The following VWF variants were observed in gnomAD, a reference collection of about 807,000 sequenced individuals.
VWF encodes Factor VIII related antigen.
Under a neutral mutation model 308.6 loss-of-function variants are expected in VWF, and 176 were observed. That is an observed-to-expected ratio of 0.57 (90% CI 0.50 to 0.65). The LOEUF (loss-of-function observed/expected upper bound fraction) is 0.65. Ranked by LOEUF, VWF falls within the 30% of genes least tolerant of loss-of-function variation. VWF has a pLI of 0.00. For missense variants in VWF, 3,146 were observed against 3,648.2 expected (o/e 0.86, Z 3.55); for synonymous variants, 1,385 against 1,443.4 (o/e 0.96, Z 0.92).
At chr12:5,998,451 T>C (rs7398722) in intron 34 of VWF, among the ~76,000 whole-genome samples, 122,084 of 122,164 alleles carry the variant, frequency 1, 61,002 homozygotes, top group Middle Eastern at 1. Flanking sequence ...TGAGCCGAGA[T>C]TCCGAGACTC....
intron 34 of VWF, among the ~76,000 whole-genome samples, chr12:6,009,228 C>A (rs560749170): frequency 2.1e-5 from 3 of 141,664 alleles, no homozygotes; most frequent in Non-Finnish European, 3.1e-5. Context: ...GGAACTCATA[C>A]AACTCAATAG....
At chr12:6,026,351 A>G (rs1212130904) in intron 22 of VWF, among the ~76,000 whole-genome samples, 1 of 152,206 alleles carries the variant, frequency 6.6e-6, no homozygotes, top group African/African-American at 2.4e-5. Context: ...TGGCCCTGAG[A>G]TCACTGGTGG....
intron 34 of VWF, among the ~76,000 whole-genome samples, chr12:5,997,160 G>A (rs974663885): frequency 1.3e-5 from 2 of 152,132 alleles, no homozygotes; most frequent in African/African-American, 4.8e-5. Flanking sequence ...TGATGGGTCT[G>A]GAAGCACCAT....
rs1945297920 is a variant in VWF at position 6,110,589 on chromosome 12, GGCAA to G, written c.324-11_324-8del. On this transcript the variant is annotated splice_polypyrimidine_tract_variant and splice_region_variant and intron_variant, in intron 4 of 51. Coordinates refer to ENST00000261405, the MANE Select transcript of VWF (RefSeq NM_000552.5). Reference sequence around the variant, plus strand: ...GGCATAGGGCATGGAGACTCTGGAGGGCAAAGGCTAAGTTCAGAAGTGGGCTTCT... The same window carrying G: ...GGCATAGGGCATGGAGACTCTGGAGGAGGCTAAGTTCAGAAGTGGGCTTCT... The G allele has an allele frequency of 2.5e-6, 4 of 1,613,992 alleles. No homozygotes were observed. The highest frequency in any genetic ancestry group is 3.4e-6 in the Non-Finnish European group (4 of 1,179,950).
chr12:6,117,126 AAATC>A (rs1945376434), intron 3 of VWF, among the ~76,000 whole-genome samples: 2 of 152,212 alleles, frequency 1.3e-5, no homozygotes, highest in Non-Finnish European at 2.9e-5. Context: ...GGTGAAAATG[AAATC>A]AATTTACATT....
intron 3 of VWF, 128 bp downstream of exon 3, chr12:6,121,046 C>T: frequency 7.6e-7 from 1 of 1,317,170 alleles, no homozygotes; most frequent in African/African-American, 1.5e-5. Context: ...AAGGCTGTTC[C>T]TCTCCTTGTT....
At chr12:6,015,179 C>T (rs991577457) in intron 31 of VWF, among the ~76,000 whole-genome samples, 1 of 152,190 alleles carries the variant, frequency 6.6e-6, no homozygotes, top group Admixed American at 6.5e-5. Flanking sequence ...ACTCAACAAA[C>T]GTTAAATGGT....
chr12:6,014,023 G>A (rs1003613645), intron 31 of VWF, among the ~76,000 whole-genome samples: 68 of 152,104 alleles, frequency 4.5e-4, no homozygotes, highest in Non-Finnish European at 7.6e-4. Context: ...GTGGGTTATC[G>A]TTGCATATAT....
chr12:6,118,294 A>G (rs550777949), intron 3 of VWF, among the ~76,000 whole-genome samples: 3 of 151,392 alleles, frequency 2.0e-5, no homozygotes, highest in Non-Finnish European at 4.4e-5. Context: ...CTGAACTAAC[A>G]GAGATTATGG....
intron 6 of VWF, among the ~76,000 whole-genome samples, chr12:6,078,496 A>G (rs1944869925): frequency 6.6e-6 from 1 of 152,168 alleles, no homozygotes; most frequent in Admixed American, 6.5e-5. Context: ...AGTGCAGATG[A>G]GGGTGTCCCA....
At chr12:6,083,328 T>C (rs552316184) in intron 6 of VWF, among the ~76,000 whole-genome samples, 1 of 152,260 alleles carries the variant, frequency 6.6e-6, no homozygotes, top group Non-Finnish European at 1.5e-5. Flanking sequence ...CCCAGCACTT[T>C]TGGAGGCCAA....
In VWF at chr12:5,967,616, C is replaced by T; in HGVS notation, c.7771-14G>A. On this transcript the variant is annotated splice_polypyrimidine_tract_variant and intron_variant, in intron 46 of 51. Coordinates refer to ENST00000261405, the MANE Select transcript of VWF (RefSeq NM_000552.5). ...AGTCTTCCCGGGCTGGAAGCAGAGG[C>T]ACCAGGGTCAGGCCCCCCAGCATCC... The T allele has an allele frequency of 2.5e-6, 4 of 1,611,648 alleles. No homozygotes were observed. The highest frequency in any genetic ancestry group is 1.1e-5 in the South Asian group (1 of 91,056).
chr12:6,083,659 G>A (rs906981119), intron 6 of VWF, among the ~76,000 whole-genome samples: 4 of 152,220 alleles, frequency 2.6e-5, no homozygotes, highest in African/African-American at 9.7e-5. Flanking sequence ...GTTGAAAGTT[G>A]TCCAGGAGCT....
intron 6 of VWF, among the ~76,000 whole-genome samples, chr12:6,077,232 C>T (rs1229871528): frequency 2.0e-5 from 3 of 152,188 alleles, no homozygotes; most frequent in Non-Finnish European, 2.9e-5. Context: ...ATTGCTTGAA[C>T]GGCGGGGCAG....
chr12:5,981,881 A>G lies in VWF; in HGVS notation c.7192T>C (p.Cys2398Arg), dbSNP rs966234326. Residue 2398 changes from cysteine (C) to arginine (R), a missense_variant, in exon 42 of 52, where the codon TGT becomes CGT. Coordinates refer to ENST00000261405, the MANE Select transcript of VWF (RefSeq NM_000552.5). ...CCDEYECACN[C>R]VNSTVSCPLG... ...GGACAGCTCACTGTGGAGTTGACACAGTTGCAGGCACACTCATACTCATCA... is the reference window on the plus strand; with the variant it reads ...GGACAGCTCACTGTGGAGTTGACACGGTTGCAGGCACACTCATACTCATCA... 1.4e-6 allele frequency: 2 copies of G among 1,449,462 alleles called. No homozygotes were observed. Among genetic ancestry groups the G allele is most frequent in the African/African-American group, 2.9e-5 (2 of 69,470 alleles). The allele number at this position is 1,449,462 out of a possible 1,614,324, so 89.8% of individuals were successfully genotyped here. A position where few individuals can be genotyped will look rare whatever the true frequency, so the allele number is the denominator to read the frequency against.
intron 6 of VWF, among the ~76,000 whole-genome samples, chr12:6,090,695 T>G (rs879704418): frequency 6.6e-6 from 1 of 151,928 alleles, no homozygotes; most frequent in Non-Finnish European, 1.5e-5. Flanking sequence ...TGGGCTAAAC[T>G]CTATACATAT....
At chr12:6,099,437 T>C (rs1245341441) in intron 5 of VWF, among the ~76,000 whole-genome samples, 1 of 152,084 alleles carries the variant, frequency 6.6e-6, no homozygotes, top group Non-Finnish European at 1.5e-5. Flanking sequence ...AGCCCTCATA[T>C]GGATTTGAGA....
At chr12:5,949,595 G>T (rs1240852015) in intron 51 of VWF, among the ~76,000 whole-genome samples, 191 bp downstream of exon 51, 5 of 151,682 alleles carry the variant, frequency 3.3e-5, no homozygotes, top group African/African-American at 9.7e-5. Context: ...CTCCATTTTT[G>T]TTTTTTTCCT....
intron 47 of VWF, among the ~76,000 whole-genome samples, chr12:5,958,539 A>G (rs979838216): frequency 1.3e-5 from 2 of 152,196 alleles, no homozygotes; most frequent in Middle Eastern, 3.4e-3. Flanking sequence ...AATACAAAAA[A>G]TCAGTTAGGC....
Sources: gnomAD v4.1 joint callset for allele counts (sites outside exome capture counted in the v4.1 genomes callset) on GRCh38, gnomAD v4.1.1 for gene constraint, MANE v1.5 for transcripts, NCBI Gene and HGNC (gene_info 2026-07-23, HGNC 2026-07-21) for gene names.